Variants in CEP152 observed in about 807,000 individuals in gnomAD.
CEP152 encodes centrosomal protein 152, also known as centrosomal protein of 152 kDa.
A neutral mutation model predicts 188.9 loss-of-function variants in CEP152; 132 were observed. The ratio of observed to expected loss-of-function variants is 0.70; its 90% confidence interval spans 0.61 to 0.81. CEP152 has a LOEUF of 0.81. Among genes scored for constraint, CEP152 ranks in the 30% least tolerant of loss-of-function variants. The pLI is 0.00. For missense variants in CEP152, 1,914 were observed against 1,969.8 expected (o/e 0.97, Z 0.54); for synonymous variants, 649 against 666.6 (o/e 0.97, Z 0.41).
chr15:48,782,351 T>C, intron 10 of CEP152, 121 bp from the exon 11 acceptor site: 1 of 816,674 alleles, frequency 1.2e-6, no homozygotes, highest in Non-Finnish European at 2.0e-6. Context: ...ACTACTACTG[T>C]CTCTTTAGAA....
chr15:48,771,838 T>G (rs982979376), intron 13 of CEP152, among the ~76,000 whole-genome samples: 1 of 152,248 alleles, frequency 6.6e-6, no homozygotes, highest in African/African-American at 2.4e-5. Flanking sequence ...CAAAGTCATC[T>G]AATGCAAAGC....
At position 48,763,072 on chromosome 15, in the gene CEP152, C is replaced by T. The variant is rs185778222; in HGVS notation, c.2281-400G>A. On this transcript the variant is annotated intron_variant, in intron 17 of 26. Transcript: ENST00000380950. Reference sequence around the variant, plus strand: ...GGACCGAGTAAATCTAATTAACGAACCAAAACCTGAACAATCTAAAAAATA... The same window carrying T: ...GGACCGAGTAAATCTAATTAACGAATCAAAACCTGAACAATCTAAAAAATA... 3.8e-3 allele frequency among the ~76,000 whole-genome samples: 573 copies of T among 152,080 alleles called. 4 individuals carry two copies. Among genetic ancestry groups the T allele is most frequent in the African/African-American group, 0.013 (558 of 41,496 alleles).
At chr15:48,756,597 T>C in intron 19 of CEP152, 44 bp from the exon 20 acceptor site, 1 of 1,577,756 alleles carries the variant, frequency 6.3e-7, no homozygotes, top group Non-Finnish European at 8.6e-7. Context: ...TTTATGATTC[T>C]CCTCCTTCGC....
rs371102622 is a variant in CEP152 at position 48,745,010 on chromosome 15, T to C, written c.3635-18A>G. ...ATTCTCTTCTATAACAGAAAGTTTA[T>C]AGTATATTAGACAGTTAAAAATTTT... is the stretch of plus-strand genomic sequence containing the variant. On this transcript the variant is annotated intron_variant, in intron 22 of 26. Coordinates refer to ENST00000380950, the MANE Select transcript of CEP152 (RefSeq NM_001194998.2). 63 of 1,564,512 alleles carry C rather than the reference T, an allele frequency of 4.0e-5. No homozygotes were observed. The highest frequency in any genetic ancestry group is 5.5e-5 in the Non-Finnish European group (63 of 1,148,660).
intron 7 of CEP152, among the ~76,000 whole-genome samples, chr15:48,792,783 A>C (rs912741233): frequency 6.6e-5 from 10 of 152,136 alleles, no homozygotes; most frequent in Non-Finnish European, 1.3e-4. Flanking sequence ...AGCCTAAGTG[A>C]GAAAAGGGAA....
chr15:48,764,419 A>T (rs536487471), intron 17 of CEP152, among the ~76,000 whole-genome samples: 2 of 152,180 alleles, frequency 1.3e-5, no homozygotes, highest in African/African-American at 2.4e-5. Context: ...TCAAATAAAC[A>T]TCTCTCTACA....
intron 17 of CEP152, among the ~76,000 whole-genome samples, chr15:48,765,391 G>A (rs1263358780): frequency 6.6e-6 from 1 of 151,690 alleles, no homozygotes; most frequent in Non-Finnish European, 1.5e-5. Context: ...TAAGTTTTGG[G>A]ATACACGTGA....
At chr15:48,730,480 G>A (rs1471375034) in intron 2 of CEP152, among the ~76,000 whole-genome samples, 2 of 152,182 alleles carry the variant, frequency 1.3e-5, no homozygotes, top group African/African-American at 2.4e-5. Flanking sequence ...GTGTGCATAT[G>A]TAGGGAAAAC....
chr15:48,765,499 TCA>T, intron 17 of CEP152: 1 of 310,022 alleles, frequency 3.2e-6, no homozygotes, highest in Admixed American at 4.7e-5. Flanking sequence ...AGCCAAAATA[TCA>T]GTCAATAGCA....
At chr15:48,747,659 T>G (rs1893548034) in intron 22 of CEP152, among the ~76,000 whole-genome samples, 1 of 152,112 alleles carries the variant, frequency 6.6e-6, no homozygotes, top group South Asian at 2.1e-4. Context: ...AAACATCATA[T>G]GCAATGAAGG....
Position 48,781,325 on chromosome 15 carries a change from A to G in CEP152, c.1448T>C (p.Leu483Pro), listed in dbSNP as rs577245541. Reference protein sequence around the residue: ...ELTELKDEISLYESAAKLGIH... With the variant: ...ELTELKDEISPYESAAKLGIH... ...TCCTAGTTTTGCAGCAGATTCATAG[A>G]GAGAAATTTCATCTTTTAGTTCTGT... Residue 483 changes from leucine (L) to proline (P), a missense_variant, in exon 12 of 27, where the codon CTC becomes CCC. Physicochemically the swap from Leu to Pro is moderately conservative, Grantham distance 98 (BLOSUM62 -3). Transcript: ENST00000380950. The G allele has an allele frequency of 6.2e-7, 1 of 1,610,980 alleles. No homozygotes were observed.
At chr15:48,804,898 C>T (rs955785694) in intron 2 of CEP152, among the ~76,000 whole-genome samples, 4 of 152,194 alleles carry the variant, frequency 2.6e-5, no homozygotes, top group Admixed American at 2.6e-4. Flanking sequence ...GCCTTCTGGC[C>T]GCTCCACATG....
chr15:48,740,598 T>C (rs547031277), intron 26 of CEP152: 1 of 151,672 alleles, frequency 6.6e-6, no homozygotes, highest in African/African-American at 2.4e-5. Flanking sequence ...GTTCTATGTT[T>C]TTGTTGGTTA....
At position 48,752,448 on chromosome 15, in the gene CEP152, T is replaced by C. The variant is rs761316862; in HGVS notation, c.3367A>G (p.Lys1123Glu). Residue 1123 changes from lysine (K) to glutamate (E), a missense_variant, in exon 21 of 27, where the codon AAG becomes GAG. By Grantham distance (56) the Lys-to-Glu change is moderately conservative (BLOSUM62 1). Coordinates refer to ENST00000380950, the MANE Select transcript of CEP152 (RefSeq NM_001194998.2). ...WKKRNMAELS[K>E]DSASQGTGQG... The stretch of plus-strand genomic sequence containing the variant: ...CCAGTGCCCTGGCTGGCAGAATCCT[T>C]AGAGAGCTCGGCCATATTTCTCTGA... 8.7e-6 allele frequency: 14 copies of C among 1,613,752 alleles called. No individual in the cohort carries two copies. Among genetic ancestry groups the C allele is most frequent in the Non-Finnish European group, 1.2e-5 (14 of 1,180,016 alleles).
chr15:48,772,681 C>A lies in CEP152; in HGVS notation c.1588G>T (p.Glu530Ter). 1 of 1,613,630 alleles carries A rather than the reference C, an allele frequency of 6.2e-7. No homozygotes were observed. Among genetic ancestry groups the A allele is most frequent in the East Asian group, 2.2e-5 (1 of 44,856 alleles). ...GAAAGCTCTTCATTTGGGTCTTCTT[C>A]TTGTACAATGCTAATGGAGAAATTG... ...KKSKVTSIVQ[E>*]EDPNEELSKD... is the part of the protein sequence containing the mutation. Residue 530 changes from glutamate to a stop codon, truncating the protein, a stop_gained, in exon 13 of 27, where the codon GAA (glutamate) becomes TAA (stop). Coordinates refer to ENST00000380950, the MANE Select transcript of CEP152 (RefSeq NM_001194998.2). LOFTEE classifies it high-confidence loss of function.
rs774793987 is a variant in CEP152, at chr15:48,772,484, T to A, written c.1782+3A>T. 8 of 1,610,148 alleles carry A rather than the reference T, an allele frequency of 5.0e-6. No homozygotes were observed. The highest frequency in any genetic ancestry group is 6.8e-6 in the Non-Finnish European group (8 of 1,178,892). ...GTTTTTTAACTCTATAGGCTTTACA[T>A]ACCTCAACCTCAATGCTTTTTTCAT... On this transcript the variant is annotated splice_donor_region_variant and intron_variant, in intron 13 of 26. Coordinates refer to ENST00000380950, the MANE Select transcript of CEP152 (RefSeq NM_001194998.2).
chr15:48,791,479 G>A, intron 7 of CEP152, 103 bp from the exon 8 acceptor site: 1 of 1,024,262 alleles, frequency 9.8e-7, no homozygotes, highest in Admixed American at 2.2e-5. Flanking sequence ...AAATGTTGTT[G>A]AATTAAATTT....
chr15:48,791,116 T>A, intron 8 of CEP152, 121 bp downstream of exon 8: 2 of 807,418 alleles, frequency 2.5e-6, no homozygotes, highest in Non-Finnish European at 3.8e-6. Flanking sequence ...TCAGGAAATT[T>A]AAGTTCTAAT....
Position 48,767,417 on chromosome 15 carries a change from T to G in CEP152, c.2065A>C (p.Ile689Leu), listed in dbSNP as rs757634262. Reference sequence around the variant, plus strand: ...TGCTTTGCTAATAGGCTTTCACGTATTTGAGTTTTCATGGCTTCATGGTGC... The same window carrying G: ...TGCTTTGCTAATAGGCTTTCACGTAGTTGAGTTTTCATGGCTTCATGGTGC... ...QQHHEAMKTQ[I>L]RESLLAKHAL... Residue 689 changes from isoleucine to leucine, a missense_variant, in exon 16 of 27, where the codon ATA (isoleucine) becomes CTA (leucine). Coordinates refer to ENST00000380950, the MANE Select transcript of CEP152 (RefSeq NM_001194998.2). The G allele has an allele frequency of 1.2e-6, 2 of 1,614,134 alleles. No homozygotes were observed. The highest frequency in any genetic ancestry group is 1.7e-6 in the Non-Finnish European group (2 of 1,180,002).
Sources: gnomAD v4.1 joint callset for allele counts (sites outside exome capture counted in the v4.1 genomes callset) on GRCh38, gnomAD v4.1.1 for gene constraint, MANE v1.5 for transcripts, NCBI Gene and HGNC (gene_info 2026-07-23, HGNC 2026-07-21) for gene names.